Variants in ELF1 observed in about 807,000 individuals in gnomAD.
ELF1 encodes E74 like ETS transcription factor 1, also known as ETS-related transcription factor Elf-1.
Under a neutral mutation model 59.9 loss-of-function variants are expected in ELF1, and 24 were observed. The observed-to-expected ratio is 0.40, with a 90% CI of 0.29 to 0.56. ELF1 has a LOEUF of 0.56. ELF1 is among the 20% of genes least tolerant of loss of function. The pLI is 0.44. For missense variants in ELF1, 627 were observed against 742.2 expected (o/e 0.84, Z 1.80); for synonymous variants, 248 against 266.2 (o/e 0.93, Z 0.67).
chr13:40,993,998 C>G (rs893650031), intron 1 of ELF1, among the ~76,000 whole-genome samples: 1 of 149,804 alleles, frequency 6.7e-6, no homozygotes, highest in African/African-American at 2.4e-5. Context: ...TAGCTTCAAC[C>G]ATGCTAATAA....
chr13:41,019,437 AG>A, upstream of ELF1: 1 of 982,888 alleles, frequency 1.0e-6, no homozygotes, highest in Middle Eastern at 5.2e-4. Context: ...GCAAATCTGC[AG>A]GTAAAAACGG....
At chr13:40,957,514 A>G (rs1474834917) in intron 3 of ELF1, among the ~76,000 whole-genome samples, 2 of 151,750 alleles carry the variant, frequency 1.3e-5, no homozygotes, top group African/African-American at 4.8e-5. Flanking sequence ...CATTTAAAAA[A>G]AAAAAAAAGA....
At chr13:41,029,206 C>T (rs1593403141) in intron 1 of ELF1, among the ~76,000 whole-genome samples, 1 of 152,094 alleles carries the variant, frequency 6.6e-6, no homozygotes. Context: ...TGTCTCTATT[C>T]GGAGATTAAA....
intron 5 of ELF1, among the ~76,000 whole-genome samples, chr13:40,946,477 A>G (rs1870516978): frequency 6.6e-6 from 1 of 152,292 alleles, no homozygotes; most frequent in Non-Finnish European, 1.5e-5. Context: ...TAGTTTCTAG[A>G]GCTTTATATA....
Position 40,933,080 on chromosome 13 carries a change from T to C in ELF1, c.*345A>G, listed in dbSNP as rs1007639283. The C allele has an allele frequency of 1.0e-5, 2 of 192,168 alleles. No homozygotes were observed. The highest frequency in any genetic ancestry group is 2.1e-5 in the Non-Finnish European group (2 of 94,670). The allele number at this position is 192,168 out of a possible 1,614,324, so 11.9% of individuals were successfully genotyped here. Reference sequence around the variant, plus strand: ...CCTATATAAATTTCCTGTTGCCTTCTATTTAAGTTCTGTATTTACAAAAGA... The same window carrying C: ...CCTATATAAATTTCCTGTTGCCTTCCATTTAAGTTCTGTATTTACAAAAGA... On this transcript the variant is annotated 3_prime_UTR_variant, in exon 9 of 9. Transcript: ENST00000239882.
intron 8 of ELF1, among the ~76,000 whole-genome samples, chr13:40,939,865 C>A (rs1870022443): frequency 6.6e-6 from 1 of 152,152 alleles, no homozygotes; most frequent in South Asian, 2.1e-4. Flanking sequence ...TCAAGATATA[C>A]TCCTTTAATA....
chr13:40,970,115 T>C (rs966664430), intron 2 of ELF1, among the ~76,000 whole-genome samples: 6 of 152,230 alleles, frequency 3.9e-5, no homozygotes, highest in Admixed American at 6.5e-5. Context: ...AGCAAATCCT[T>C]ATACTGTTCT....
At chr13:41,060,138 G>C (rs1166530835) in intron 1 of ELF1, among the ~76,000 whole-genome samples, 2 of 152,162 alleles carry the variant, frequency 1.3e-5, no homozygotes, top group African/African-American at 4.8e-5. Flanking sequence ...GTGGAGACGC[G>C]AGCGCACACG....
intron 2 of ELF1, among the ~76,000 whole-genome samples, chr13:40,971,248 C>CT (rs1872533025): frequency 6.6e-6 from 1 of 152,014 alleles, no homozygotes; most frequent in African/African-American, 2.4e-5. Flanking sequence ...ACAGCTGAAA[C>CT]AAGTTTGTTT....
In ELF1 at chr13:40,933,729, G is replaced by A. The variant is rs754966367; in HGVS notation, c.1556C>T (p.Thr519Ile). The A allele has an allele frequency of 3.7e-6, 6 of 1,614,268 alleles. No individual in the cohort carries two copies. In the Admixed American group the frequency reaches 8.3e-5, roughly 22 times the overall value. The part of the protein sequence containing the change: ...TSNVQTICNG[T>I]VSVASSPSFS... ...GGATGGAGAGGAAGCCACACTGACG[G>A]TTCCATTGCAAATGGTCTGAACATT... is the stretch of plus-strand genomic sequence containing the variant. The change falls in exon 9 of 9, where the codon ACC becomes ATC. Residue 519 changes from threonine (T) to isoleucine (I), a missense_variant. Coordinates refer to ENST00000239882, the MANE Select transcript of ELF1 (RefSeq NM_172373.4).
At chr13:41,025,027 C>CA (rs1281973823) in intron 1 of ELF1, among the ~76,000 whole-genome samples, 5 of 151,720 alleles carry the variant, frequency 3.3e-5, no homozygotes, top group African/African-American at 1.2e-4. Flanking sequence ...ACTTATGGCC[C>CA]AAAAAACAAA....
At chr13:41,003,664 G>T (rs1463513373) in intron 1 of ELF1, among the ~76,000 whole-genome samples, 1 of 152,086 alleles carries the variant, frequency 6.6e-6, no homozygotes, top group Non-Finnish European at 1.5e-5. Context: ...GTAATAAAGA[G>T]AATTATTATT....
chr13:40,962,481 G>A (rs915358119), intron 2 of ELF1, among the ~76,000 whole-genome samples: 2 of 151,804 alleles, frequency 1.3e-5, no homozygotes, highest in Non-Finnish European at 1.5e-5. Context: ...TCAGGAGTTC[G>A]AGATCAGCCT....
At chr13:41,010,376 A>G (rs1205738771) in intron 1 of ELF1, among the ~76,000 whole-genome samples, 1 of 151,384 alleles carries the variant, frequency 6.6e-6, no homozygotes, top group Non-Finnish European at 1.5e-5. Flanking sequence ...GCTTGAGCCC[A>G]GGAGTTTGAG....
At chr13:40,951,237 C>T in intron 4 of ELF1, 92 bp downstream of exon 4, 1 of 1,048,900 alleles carries the variant, frequency 9.5e-7, no homozygotes, top group South Asian at 1.9e-5. Flanking sequence ...AAATATATAA[C>T]ATCATTTCTA....
At position 40,982,232 on chromosome 13, in the gene ELF1, G is replaced by C; in HGVS notation, c.-178C>G. The C allele has an allele frequency of 1.6e-6, 2 of 1,281,238 alleles. No homozygotes were observed. The highest frequency in any genetic ancestry group is 2.0e-6 in the Non-Finnish European group (2 of 1,012,722). 79.4% of individuals were successfully genotyped at this position (1,281,238 alleles called of 1,614,324 possible). The stretch of plus-strand genomic sequence containing the variant: ...GTTTTCCTGGTTCATTGATATTCTA[G>C]TCAAATTGAGACAATTTTTCTGAAA... On this transcript the variant is annotated 5_prime_UTR_variant, in exon 2 of 9. Coordinates refer to ENST00000239882, the MANE Select transcript of ELF1 (RefSeq NM_172373.4).
intron 1 of ELF1, among the ~76,000 whole-genome samples, chr13:41,025,829 C>T (rs1219391710): frequency 6.6e-6 from 1 of 152,204 alleles, no homozygotes; most frequent in Non-Finnish European, 1.5e-5. Context: ...ATTGCAGCTG[C>T]TGTACCAGAT....
chr13:41,005,624 T>C (rs1281646414), intron 1 of ELF1, among the ~76,000 whole-genome samples: 1 of 152,062 alleles, frequency 6.6e-6, no homozygotes, highest in Non-Finnish European at 1.5e-5. Context: ...CTATCTCTAC[T>C]CCCTTCTCAC....
upstream of ELF1, among the ~76,000 whole-genome samples, chr13:41,019,649 C>T (rs1417318005): frequency 1.3e-5 from 2 of 151,924 alleles, no homozygotes; most frequent in Non-Finnish European, 2.9e-5. Flanking sequence ...TCAAATAAAA[C>T]TGTGAAAGGA....
Sources: gnomAD v4.1 joint callset for allele counts (sites outside exome capture counted in the v4.1 genomes callset) on GRCh38, gnomAD v4.1.1 for gene constraint, MANE v1.5 for transcripts, NCBI Gene and HGNC (gene_info 2026-07-23, HGNC 2026-07-21) for gene names.